The following TTC29 variants were observed in gnomAD, a reference collection of about 807,000 sequenced individuals.
TTC29 encodes tetratricopeptide repeat protein 29.
Under a neutral mutation model 58.1 loss-of-function variants are expected in TTC29, and 49 were observed. That is an observed-to-expected ratio of 0.84 (90% CI 0.67 to 1.07). The LOEUF is 1.07. Among genes scored for constraint, TTC29 ranks in the 50% least tolerant of loss-of-function variants. The pLI is 0.00. For synonymous variants in TTC29, 209 were observed against 196.8 expected, an observed-to-expected ratio of 1.06 and a Z score of -0.52; for missense variants, 582 against 555.6, an observed-to-expected ratio of 1.05 and a Z score of -0.48.
chr4:146,818,058 G>C (rs900281552), intron 10 of TTC29, among the ~76,000 whole-genome samples: 1 of 152,138 alleles, frequency 6.6e-6, no homozygotes, highest in African/African-American at 2.4e-5. Flanking sequence ...GAAAGCAATG[G>C]CAACAAAAGC....
intron 6 of TTC29, among the ~76,000 whole-genome samples, chr4:146,877,936 A>G (rs984942237): frequency 6.6e-6 from 1 of 152,174 alleles, no homozygotes; most frequent in Non-Finnish European, 1.5e-5. Context: ...AGGGGAGGTG[A>G]CAGGAGGGTC....
chr4:146,760,559 A>T (rs1746807205), intron 11 of TTC29, among the ~76,000 whole-genome samples: 2 of 151,894 alleles, frequency 1.3e-5, no homozygotes, highest in Admixed American at 1.3e-4. Flanking sequence ...ATAGTCACTA[A>T]AACAGCATGG....
chr4:146,839,560 G>T (rs1474868461), intron 8 of TTC29, among the ~76,000 whole-genome samples: 3 of 151,000 alleles, frequency 2.0e-5, no homozygotes, highest in Non-Finnish European at 4.4e-5. Context: ...GTGTGTGTGT[G>T]TGTGTGTGTG....
chr4:146,712,170 CTTAT>C (rs1225617719), intron 11 of TTC29, among the ~76,000 whole-genome samples: 1 of 151,874 alleles, frequency 6.6e-6, no homozygotes, highest in Non-Finnish European at 1.5e-5. Flanking sequence ...CAATAAAAGG[CTTAT>C]TTAGATAAGC....
At chr4:146,890,909 G>C (rs1732315728) in intron 6 of TTC29, among the ~76,000 whole-genome samples, 1 of 151,988 alleles carries the variant, frequency 6.6e-6, no homozygotes, top group South Asian at 2.1e-4. Context: ...GGTTGAGTTT[G>C]GTGGTCTCCT....
chr4:146,801,032 A>G (rs1434871482), intron 11 of TTC29, among the ~76,000 whole-genome samples: 1 of 152,132 alleles, frequency 6.6e-6, no homozygotes, highest in Non-Finnish European at 1.5e-5. Flanking sequence ...ATTTTCCTGG[A>G]TGGGGCTAGA....
intron 11 of TTC29, among the ~76,000 whole-genome samples, chr4:146,772,543 C>G (rs1561110322): frequency 6.6e-6 from 1 of 151,936 alleles, no homozygotes; most frequent in Non-Finnish European, 1.5e-5. Context: ...AGGTGCGCAG[C>G]CTTATTTCTG....
At chr4:146,886,095 T>C (rs1731963327) in intron 6 of TTC29, among the ~76,000 whole-genome samples, 1 of 152,150 alleles carries the variant, frequency 6.6e-6, no homozygotes. Flanking sequence ...TTTTTCTCTT[T>C]TTCCCTACCT....
At chr4:146,939,185 C>T (rs59376244) in intron 3 of TTC29, among the ~76,000 whole-genome samples, 11,436 of 152,130 alleles carry the variant, frequency 0.075, 1,453 homozygotes, top group African/African-American at 0.26. Flanking sequence ...CTGGGCATGG[C>T]GGCTCATCCC....
At chr4:146,881,277 T>C (rs961644735) in intron 6 of TTC29, among the ~76,000 whole-genome samples, 34 of 152,278 alleles carry the variant, frequency 2.2e-4, no homozygotes, top group Middle Eastern at 3.4e-3. Context: ...AAAACAATGC[T>C]GCAGAAACAA....
At chr4:146,832,680 G>A (rs1023299242) in intron 9 of TTC29, among the ~76,000 whole-genome samples, 11 of 147,966 alleles carry the variant, frequency 7.4e-5, no homozygotes, top group Admixed American at 3.5e-4. Flanking sequence ...TTAGTAGAGA[G>A]GGGGCTTCAC....
intron 9 of TTC29, among the ~76,000 whole-genome samples, chr4:146,823,121 G>C (rs1211213368): frequency 6.6e-6 from 1 of 152,124 alleles, no homozygotes; most frequent in Non-Finnish European, 1.5e-5. Flanking sequence ...GATCCCATTT[G>C]TGAATTTTTG....
intron 11 of TTC29, among the ~76,000 whole-genome samples, chr4:146,778,913 C>T (rs189421150): frequency 3.4e-4 from 48 of 140,680 alleles, no homozygotes; most frequent in Admixed American, 2.9e-3. Flanking sequence ...ACACTAAAAG[C>T]GCAGACTTTA....
At chr4:146,754,751 T>G (rs548944313) in intron 11 of TTC29, among the ~76,000 whole-genome samples, 6 of 152,024 alleles carry the variant, frequency 3.9e-5, no homozygotes, top group Admixed American at 2.0e-4. Flanking sequence ...CAACTGTTTG[T>G]GTATAGAAGG....
chr4:146,726,167 T>C (rs934594211), intron 11 of TTC29, among the ~76,000 whole-genome samples: 4 of 151,924 alleles, frequency 2.6e-5, no homozygotes, highest in African/African-American at 9.7e-5. Context: ...TAAGCCATCA[T>C]GCCAGGTCTA....
chr4:146,911,178 A>G lies in TTC29; in HGVS notation c.177-1929T>C, dbSNP rs557451140. Among the ~76,000 whole-genome samples, 49 of 152,312 alleles carry G rather than the reference A, an allele frequency of 3.2e-4. 1 individual carries two copies. The South Asian group carries it at 9.9e-3, about 31-fold the overall frequency. On this transcript the variant is annotated intron_variant, in intron 4 of 12. Coordinates refer to ENST00000325106, the MANE Select transcript of TTC29 (RefSeq NM_031956.4). ...GCACTTCTAGGCAGAAGAGGACCAG[A>G]ACCAACCCTGTAATTGCCCACAGCC...
At chr4:146,718,922 G>A (rs765841124) in intron 11 of TTC29, among the ~76,000 whole-genome samples, 4 of 151,950 alleles carry the variant, frequency 2.6e-5, no homozygotes, top group Admixed American at 6.6e-5. Flanking sequence ...TTCTGCATAC[G>A]GATATCCAGT....
chr4:146,786,681 GCTGA>G (rs1397422909), intron 11 of TTC29, among the ~76,000 whole-genome samples: 1 of 152,172 alleles, frequency 6.6e-6, no homozygotes, highest in Admixed American at 6.5e-5. Context: ...TACTCAGAAA[GCTGA>G]CTAATATTGT....
intron 9 of TTC29, among the ~76,000 whole-genome samples, chr4:146,825,686 A>G (rs975893645): frequency 6.6e-6 from 1 of 152,148 alleles, no homozygotes; most frequent in Admixed American, 6.5e-5. Flanking sequence ...TAATCTGCCT[A>G]ATACTGACAG....
Sources: allele counts gnomAD v4.1 joint callset (sites outside exome capture counted in the v4.1 genomes callset), GRCh38; gene constraint gnomAD v4.1.1; transcripts MANE v1.5; gene names NCBI Gene and HGNC (gene_info 2026-07-23, HGNC 2026-07-21).